Variants in HTR3A observed in about 807,000 individuals in gnomAD.
HTR3A encodes the protein 5-hydroxytryptamine (serotonin) receptor 3A, ionotropic.
Under a neutral mutation model 54.8 loss-of-function variants are expected in HTR3A, and 45 were observed. That is an observed-to-expected ratio of 0.82 (90% CI 0.65 to 1.05). The LOEUF is 1.05. Ranked by LOEUF, HTR3A falls within the 50% of genes least tolerant of loss-of-function variation. HTR3A has a pLI of 0.00. For missense variants in HTR3A, 657 were observed against 614.0 expected (o/e 1.07, Z -0.74); for synonymous variants, 297 against 256.0 (o/e 1.16, Z -1.53).
rs548434514 is a variant in HTR3A, at chr11:113,979,089, C to T, written c.220-144C>T. The T allele has an allele frequency of 9.8e-6, 7 of 714,388 alleles. No individual in the cohort carries two copies. The East Asian group carries it at 1.9e-4, about 19-fold the overall frequency. 44.3% of individuals were successfully genotyped at this position (714,388 alleles called of 1,614,324 possible). On this transcript the variant is annotated intron_variant, in intron 2 of 8. Coordinates refer to ENST00000504030, the MANE Select transcript of HTR3A (RefSeq NM_000869.6). Reference sequence around the variant, plus strand: ...TGGCCAGGGAGCTCCAGTCTATCTACTTTCCCGACCCCGGCCCCTGCTCTT... The same window carrying T: ...TGGCCAGGGAGCTCCAGTCTATCTATTTTCCCGACCCCGGCCCCTGCTCTT...
chr11:113,975,229 T>A lies in HTR3A; in HGVS notation c.-97T>A, dbSNP rs1235380594. The A allele has an allele frequency of 8.4e-7, 1 of 1,187,818 alleles. No individual in the cohort carries two copies. The highest frequency in any genetic ancestry group is 1.2e-6 in the Non-Finnish European group (1 of 812,842). 73.6% of individuals were successfully genotyped at this position (1,187,818 alleles called of 1,614,324 possible). A position where few individuals can be genotyped will look rare whatever the true frequency, so the allele number is the denominator to read the frequency against. On this transcript the variant is annotated 5_prime_UTR_variant, in exon 1 of 9. Transcript: ENST00000504030. ...TGAGCAGTGGCCACGAGAGGCAGGC[T>A]GGCTGGGACATGAGGTTGGCAGAGG...
chr11:113,981,863 C>T (rs967235621), intron 4 of HTR3A, among the ~76,000 whole-genome samples: 2 of 151,532 alleles, frequency 1.3e-5, no homozygotes, highest in African/African-American at 2.4e-5. Context: ...GCAGCTGAGG[C>T]AGGAGAATTG....
At position 113,986,735 on chromosome 11, in the gene HTR3A, C is replaced by A. The variant is rs1172916573; in HGVS notation, c.916+7C>A. ...ATCGGCACTCCTCTCATTGGTAAGG[C>A]CCCTCCTGGCAGCAGAGCTCAGTCT... On this transcript the variant is annotated splice_region_variant and intron_variant, in intron 7 of 8. Coordinates refer to ENST00000504030, the MANE Select transcript of HTR3A (RefSeq NM_000869.6). 1 of 1,614,208 alleles carries A rather than the reference C, an allele frequency of 6.2e-7. No homozygotes were observed. Among genetic ancestry groups the A allele is most frequent in the South Asian group, 1.1e-5 (1 of 91,088 alleles).
chr11:113,986,312 A>T, intron 6 of HTR3A, 137 bp downstream of exon 6: 4 of 1,199,692 alleles, frequency 3.3e-6, no homozygotes, highest in East Asian at 2.3e-5. Context: ...AGTGAAGTAG[A>T]TGGAGAAACT....
Position 113,986,064 on chromosome 11 carries a change from C to T in HTR3A, c.594C>T (p.Ser198=), listed in dbSNP as rs375398394. 66 of 1,614,006 alleles carry T rather than the reference C, an allele frequency of 4.1e-5. No homozygotes were observed. Among genetic ancestry groups the T allele is most frequent in the South Asian group, 1.8e-4 (16 of 91,076 alleles). The change falls in exon 6 of 9, where the codon TCC becomes TCT. Residue 198 remains serine, a synonymous_variant. Coordinates refer to ENST00000504030, the MANE Select transcript of HTR3A (RefSeq NM_000869.6). ...GGCGCTTGCCAGAAAAGGTGAAATC[C>T]GACAGGAGTGTCTTCATGAACCAGG... The part of the protein sequence containing the change: ...SLWRLPEKVK[S]DRSVFMNQGE...
chr11:113,979,142 C>A, intron 2 of HTR3A, 91 bp from the exon 3 acceptor site: 2 of 989,148 alleles, frequency 2.0e-6, no homozygotes, highest in Non-Finnish European at 3.3e-6. Context: ...GCAATAGGGA[C>A]ACAAGGAAGC....
At chr11:113,976,665 A>C (rs1332604931) in intron 1 of HTR3A, among the ~76,000 whole-genome samples, 1 of 143,246 alleles carries the variant, frequency 7.0e-6, no homozygotes, top group Non-Finnish European at 1.5e-5. Flanking sequence ...CTTATCAGGG[A>C]AAAGGGGGTG....
In HTR3A at chr11:113,986,813, T is replaced by C. The variant is rs781738055; in HGVS notation, c.917-12T>C. 1 of 1,550,880 alleles carries C rather than the reference T, an allele frequency of 6.4e-7. No individual in the cohort carries two copies. Among genetic ancestry groups the C allele is most frequent in the South Asian group, 1.1e-5 (1 of 90,114 alleles). On this transcript the variant is annotated splice_polypyrimidine_tract_variant and intron_variant, in intron 7 of 8. Transcript: ENST00000504030. Reference sequence around the variant, plus strand: ...CTGCATGTGTCTCTTGCCTCTGCCCTGGGCTGCACAGGTGTCTACTTTGTG... The same window carrying C: ...CTGCATGTGTCTCTTGCCTCTGCCCCGGGCTGCACAGGTGTCTACTTTGTG...
chr11:113,982,240 G>A (rs1023301016), intron 4 of HTR3A, among the ~76,000 whole-genome samples: 3 of 152,200 alleles, frequency 2.0e-5, no homozygotes, highest in African/African-American at 7.2e-5. Flanking sequence ...AGGGAAGATG[G>A]CTGGGGAGAC....
In HTR3A at chr11:113,986,529, C is replaced by T; in HGVS notation, c.717C>T (p.Arg239=). Residue 239 remains arginine (R), a synonymous_variant, in exon 7 of 9, where the codon CGC becomes CGT. Coordinates refer to ENST00000504030, the MANE Select transcript of HTR3A (RefSeq NM_000869.6). ...YAEMKFYVVI[R]RRPLFYVVSL... is the part of the protein sequence containing the mutation. ...TTCTCCGGTCCCAGGTGGTCATCCG[C>T]CGGCGGCCCCTCTTCTATGTGGTCA... 4 of 1,612,600 alleles carry T rather than the reference C, an allele frequency of 2.5e-6. No homozygotes were observed. The highest frequency in any genetic ancestry group is 3.4e-6 in the Non-Finnish European group (4 of 1,180,026).
chr11:113,984,687 G>A (rs2137580833), intron 5 of HTR3A, among the ~76,000 whole-genome samples: 2 of 152,272 alleles, frequency 1.3e-5, no homozygotes, highest in South Asian at 4.1e-4. Context: ...GGGAGGCGTA[G>A]GCAGGTGGAT....
In HTR3A at chr11:113,975,265, T is replaced by C; in HGVS notation, c.-61T>C. On this transcript the variant is annotated 5_prime_UTR_variant, in exon 1 of 9. Transcript: ENST00000504030. ...TGAGGTTGGCAGAGGGCAGGCAAGC[T>C]GGCCCTTGGTGGGCCTCGTCCTGAG... The C allele has an allele frequency of 1.3e-6, 2 of 1,554,526 alleles. No homozygotes were observed. Among genetic ancestry groups the C allele is most frequent in the Non-Finnish European group, 1.8e-6 (2 of 1,131,730 alleles).
intron 4 of HTR3A, 152 bp from the exon 5 acceptor site, chr11:113,982,968 G>A: frequency 1.2e-6 from 1 of 843,172 alleles, no homozygotes; most frequent in Non-Finnish European, 1.9e-6. Flanking sequence ...TAGGAAGGTT[G>A]GAAAAACCGA....
In HTR3A at chr11:113,983,165, G is replaced by A. The variant is rs1019378578; in HGVS notation, c.420G>A (p.Arg140=). The A allele has an allele frequency of 3.1e-6, 5 of 1,614,088 alleles. No homozygotes were observed. Among genetic ancestry groups the A allele is most frequent in the South Asian group, 1.1e-5 (1 of 91,090 alleles). Residue 140 remains arginine, a synonymous_variant, in exon 5 of 9, where the codon CGG becomes CGA. Transcript: ENST00000504030. ...CAAATATCCCGTACGTGTATATTCG[G>A]CATCAAGGCGAAGTTCAGAACTACA... is the stretch of plus-strand genomic sequence containing the variant. The part of the protein sequence containing the change: ...KSPNIPYVYI[R]HQGEVQNYKP...
chr11:113,979,975 T>C (rs922567947), intron 3 of HTR3A, among the ~76,000 whole-genome samples: 10 of 152,136 alleles, frequency 6.6e-5, no homozygotes, highest in Admixed American at 2.0e-4. Context: ...TAAGTGGGTC[T>C]CTGTTATCCC....
At chr11:113,976,095 A>G (rs1950348162) in intron 1 of HTR3A, among the ~76,000 whole-genome samples, 1 of 151,950 alleles carries the variant, frequency 6.6e-6, no homozygotes, top group Non-Finnish European at 1.5e-5. Context: ...TTCTCTCCCT[A>G]CAGAGCTGGG....
In HTR3A at chr11:113,983,381, G is replaced by A. The variant is rs1022684066; in HGVS notation, c.544+92G>A. The A allele has an allele frequency of 3.4e-5, 46 of 1,335,088 alleles. No homozygotes were observed. In the African/African-American group the frequency reaches 5.2e-4, roughly 15 times the overall value. 82.7% of individuals were successfully genotyped at this position (1,335,088 alleles called of 1,614,324 possible). On this transcript the variant is annotated intron_variant, in intron 5 of 8. Transcript: ENST00000504030. Reference sequence around the variant, plus strand: ...AGTGCTCCCCAGGGCGCCTTCTCACGTATCCAGCCTACTAATGCCCTGGGC... The same window carrying A: ...AGTGCTCCCCAGGGCGCCTTCTCACATATCCAGCCTACTAATGCCCTGGGC...
chr11:113,976,523 A>T (rs541056533), intron 1 of HTR3A, among the ~76,000 whole-genome samples: 37 of 151,468 alleles, frequency 2.4e-4, no homozygotes, highest in Non-Finnish European at 1.9e-4. Flanking sequence ...AGTTAAATGA[A>T]GAATATGTTT....
At chr11:113,987,891 T>C (rs1950511300) in intron 8 of HTR3A, among the ~76,000 whole-genome samples, 1 of 152,212 alleles carries the variant, frequency 6.6e-6, no homozygotes, top group Non-Finnish European at 1.5e-5. Flanking sequence ...AGTTGGTTGG[T>C]TTATTCACTG....
Sources: gnomAD v4.1 joint callset for allele counts (sites outside exome capture counted in the v4.1 genomes callset) on GRCh38, gnomAD v4.1.1 for gene constraint, MANE v1.5 for transcripts, NCBI Gene and HGNC (gene_info 2026-07-23, HGNC 2026-07-21) for gene names.